The following PIK3R1 variants were observed in gnomAD, a reference collection of about 807,000 sequenced individuals.
The protein encoded by PIK3R1 is phosphoinositide-3-kinase regulatory subunit 1.
A neutral mutation model predicts 98.0 loss-of-function variants in PIK3R1; 29 were observed. The ratio of observed to expected loss-of-function variants is 0.30; its 90% CI spans 0.22 to 0.40. PIK3R1 has a LOEUF of 0.40. Among genes scored for constraint, PIK3R1 ranks in the 10% least tolerant of loss-of-function variants. The pLI is 1.00. For missense variants in PIK3R1, 596 were observed against 872.7 expected, an observed-to-expected ratio of 0.68 and a Z score of 3.99; for synonymous variants, 282 against 311.8, an observed-to-expected ratio of 0.90 and a Z score of 1.01.
rs995629272 is a variant in PIK3R1, at chr5:68,263,141, A to G, written c.335-10249A>G. On this transcript the variant is annotated intron_variant, in intron 2 of 15. Transcript: ENST00000521381. ...GATATATAGATACATAGATACATAT[A>G]TATTTATATATGTACATATATCTAC... Among the ~76,000 whole-genome samples, 47 of 146,994 alleles carry G rather than the reference A, an allele frequency of 3.2e-4. 1 individual carries two copies. Among genetic ancestry groups the G allele is most frequent in the African/African-American group, 9.9e-4 (40 of 40,528 alleles).
intron 8 of PIK3R1, chr5:68,292,789 T>A (rs1747464382): frequency 1.6e-6 from 2 of 1,247,890 alleles, no homozygotes; most frequent in South Asian, 3.7e-5. Flanking sequence ...GAGATTGTAA[T>A]GTTTGGTTGA....
intron 2 of PIK3R1, among the ~76,000 whole-genome samples, chr5:68,249,452 C>T (rs996994643): frequency 6.6e-6 from 1 of 152,180 alleles, no homozygotes; most frequent in Admixed American, 6.5e-5. Context: ...TAAAATACTG[C>T]CTGGACATAT....
chr5:68,269,383 A>G (rs1398375289), intron 2 of PIK3R1, among the ~76,000 whole-genome samples: 1 of 152,248 alleles, frequency 6.6e-6, no homozygotes, highest in Admixed American at 6.5e-5. Flanking sequence ...AACTGTAATG[A>G]GAATTTAAAT....
In PIK3R1 at chr5:68,295,488, A is replaced by G. The variant is rs373407418; in HGVS notation, c.1814A>G (p.Asp605Gly). ...TGGTTGGGCAATGAAAACACTGAAG[A>G]GTAAGTAGTTACTAAAGATGGTGAT... The part of the protein sequence containing the change: ...NEWLGNENTE[D>G]QYSLVEDDED... The change falls in exon 14 of 16, where the codon GAC (aspartate) becomes GGC (glycine). Residue 605 changes from aspartate (D) to glycine (G), a missense_variant and splice_region_variant. Coordinates refer to ENST00000521381, the MANE Select transcript of PIK3R1 (RefSeq NM_181523.3). 7 of 1,612,920 alleles carry G rather than the reference A, an allele frequency of 4.3e-6. No individual in the cohort carries two copies. The highest frequency in any genetic ancestry group is 5.9e-6 in the Non-Finnish European group (7 of 1,179,000).
intron 11 of PIK3R1, 110 bp from the exon 12 acceptor site, chr5:68,294,426 A>AT: frequency 1.5e-6 from 1 of 674,970 alleles, no homozygotes; most frequent in Non-Finnish European, 2.3e-6. Context: ...GATTTTATGA[A>AT]TTTGAGTCCC....
chr5:68,289,414 A>G (rs976629657), intron 7 of PIK3R1, among the ~76,000 whole-genome samples: 4 of 152,048 alleles, frequency 2.6e-5, no homozygotes, highest in African/African-American at 9.7e-5. Context: ...CTGCTTTTTA[A>G]TATATTTTAT....
intron 2 of PIK3R1, among the ~76,000 whole-genome samples, chr5:68,252,372 C>CAAA (rs5868527): frequency 1.7e-4 from 25 of 146,850 alleles, no homozygotes; most frequent in Admixed American, 5.4e-4. Context: ...ACTGAATTTA[C>CAAA]AAAAAAAAAA....
rs1354399749 is a variant in PIK3R1 at position 68,296,216 on chromosome 5, T to G, written c.1860T>G (p.Asp620Glu). The change falls in exon 15 of 16, where the codon GAT becomes GAG. Residue 620 changes from aspartate (D) to glutamate (E), a missense_variant. Asp to Glu is a conservative substitution (Grantham distance 45). Around this residue, in one of 3 missense-constraint regions of PIK3R1, gnomAD observed 207 missense variants for 361.4 expected, o/e 0.57. Transcript: ENST00000521381. Reference protein sequence around the residue: ...VEDDEDLPHHDEKTWNVGSSN... With the variant: ...VEDDEDLPHHEEKTWNVGSSN... ...ATGATGAAGATTTGCCCCATCATGATGAGAAGACATGGAATGTTGGAAGCA... is the reference window on the plus strand; with the variant it reads ...ATGATGAAGATTTGCCCCATCATGAGGAGAAGACATGGAATGTTGGAAGCA... 2 of 1,614,200 alleles carry G rather than the reference T, an allele frequency of 1.2e-6. No individual in the cohort carries two copies. The highest frequency in any genetic ancestry group is 1.7e-6 in the Non-Finnish European group (2 of 1,180,030).
intron 4 of PIK3R1, among the ~76,000 whole-genome samples, chr5:68,276,764 C>A (rs1746588301): frequency 6.6e-6 from 1 of 152,174 alleles, no homozygotes; most frequent in African/African-American, 2.4e-5. Context: ...TATTCATATA[C>A]TATGAAAGTT....
At chr5:68,283,167 A>G (rs1460442410) in intron 7 of PIK3R1, among the ~76,000 whole-genome samples, 2 of 152,230 alleles carry the variant, frequency 1.3e-5, no homozygotes, top group Non-Finnish European at 2.9e-5. Flanking sequence ...AGCACCTTAC[A>G]TCTCCAGCGA....
chr5:68,248,679 C>A (rs1010456999), intron 2 of PIK3R1, among the ~76,000 whole-genome samples: 1 of 152,086 alleles, frequency 6.6e-6, no homozygotes, highest in African/African-American at 2.4e-5. Flanking sequence ...AATTATTTAT[C>A]CACCACTGGG....
intron 2 of PIK3R1, among the ~76,000 whole-genome samples, chr5:68,230,387 T>C (rs1206741159): frequency 3.9e-5 from 6 of 152,264 alleles, no homozygotes; most frequent in Non-Finnish European, 8.8e-5. Context: ...TTTCCCAACA[T>C]GCTGGTAAAC....
intron 2 of PIK3R1, among the ~76,000 whole-genome samples, chr5:68,266,990 C>T (rs1032063853): frequency 1.5e-4 from 23 of 152,184 alleles, no homozygotes; most frequent in Admixed American, 7.2e-4. Flanking sequence ...GGTCATACTT[C>T]GTATGAAATC....
intron 2 of PIK3R1, among the ~76,000 whole-genome samples, chr5:68,260,818 G>C (rs906332703): frequency 6.6e-6 from 1 of 152,134 alleles, no homozygotes; most frequent in African/African-American, 2.4e-5. Flanking sequence ...CTGATTTATA[G>C]CTGTTGTAAC....
intron 2 of PIK3R1, among the ~76,000 whole-genome samples, chr5:68,262,146 A>G (rs1745780733): frequency 6.6e-6 from 1 of 151,960 alleles, no homozygotes; most frequent in African/African-American, 2.4e-5. Flanking sequence ...GCGTATTTCC[A>G]TCAGGAATCT....
chr5:68,295,520 A>T, intron 14 of PIK3R1, 32 bp downstream of exon 14: 1 of 1,582,386 alleles, frequency 6.3e-7, no homozygotes, highest in Non-Finnish European at 8.7e-7. Flanking sequence ...TGATAGCAGA[A>T]GATTTTTCTC....
Position 68,280,935 on chromosome 5 carries a change from A to G in PIK3R1, c.845A>G (p.Asn282Ser). Residue 282 changes from asparagine (N) to serine (S), a missense_variant, in exon 7 of 16, where the codon AAT becomes AGT. By Grantham distance (46) the Asn-to-Ser change is conservative. Around this residue, in one of 3 missense-constraint regions of PIK3R1, gnomAD observed 352 missense variants for 393.3 expected, o/e 0.90. Transcript: ENST00000521381. ...AACTCTCTTTCTTACAGCTCTGATAATACTGAAAACCTCATAAAAGTTATA... is the reference window on the plus strand; with the variant it reads ...AACTCTCTTTCTTACAGCTCTGATAGTACTGAAAACCTCATAAAAGTTATA... The part of the protein sequence containing the change: ...LFRFSAASSD[N>S]TENLIKVIEI... 6.3e-7 allele frequency: 1 copy of G among 1,588,712 alleles called. No individual in the cohort carries two copies. Among genetic ancestry groups the G allele is most frequent in the Non-Finnish European group, 8.6e-7 (1 of 1,163,410 alleles).
At chr5:68,290,467 A>G (rs1282111417) in intron 7 of PIK3R1, among the ~76,000 whole-genome samples, 1 of 152,224 alleles carries the variant, frequency 6.6e-6, no homozygotes, top group African/African-American at 2.4e-5. Context: ...ACCTTTTTGA[A>G]AGGATGAGCA....
chr5:68,294,691 C>A lies in PIK3R1; in HGVS notation c.1568+13C>A, dbSNP rs779251252. 6.3e-7 allele frequency: 1 copy of A among 1,588,756 alleles called. No individual in the cohort carries two copies. On this transcript the variant is annotated intron_variant, in intron 12 of 15. Transcript: ENST00000521381. ...AAGAAATACAAAGGTTGGTGTTTCC[C>A]TTGTTCTTGTGCTAGAGATAACCAA...
Sources: allele counts gnomAD v4.1 joint callset (sites outside exome capture counted in the v4.1 genomes callset), GRCh38; gene constraint gnomAD v4.1.1; regional missense constraint gnomAD v4.1.1; transcripts MANE v1.5; gene names NCBI Gene and HGNC (gene_info 2026-07-23, HGNC 2026-07-21).